PCSK4: variants seen among roughly 807,000 people sequenced by gnomAD.
PCSK4 encodes the protein testicular tissue protein Li 135.
A neutral mutation model predicts 80.3 loss-of-function variants in PCSK4; 64 were observed. The observed-to-expected ratio is 0.80, with a 90% CI of 0.65 to 0.98. The LOEUF (loss-of-function observed/expected upper bound fraction) is 0.98, where lower values mean the gene tolerates loss of function less well. PCSK4 is among the 50% of genes least tolerant of loss of function. The pLI is 0.00. For synonymous variants in PCSK4, 561 were observed against 487.6 expected (o/e 1.15, Z -1.98); for missense variants, 1,213 against 1,093.6 (o/e 1.11, Z -1.54).
intron 2 of PCSK4, among the ~76,000 whole-genome samples, chr19:1,489,095 G>A (rs531028091): frequency 4.0e-5 from 6 of 150,220 alleles, no homozygotes; most frequent in Non-Finnish European, 7.4e-5. Flanking sequence ...TGGACACTGC[G>A]TCCTGAGGGC....
exon 15 of PCSK4, chr19:1,481,447 A>C: frequency 2.7e-5 from 7 of 257,346 alleles, no homozygotes; most frequent in Non-Finnish European, 2.9e-5. Flanking sequence ...AGCAACCTTT[A>C]TTTGCAAACT....
chr19:1,482,100 C>G lies in PCSK4; in HGVS notation c.1927G>C (p.Ala643Pro), dbSNP rs774759108. Residue 643 changes from alanine (A) to proline (P), a missense_variant, in exon 15 of 15, where the codon GCG (alanine) becomes CCG (proline). Transcript: ENST00000300954. ...CTGGAGCAGACCCTCAGCGCGGGCG[C>G]CGCCGTGTGCCCAGGCCCAGCGGTC... 9 of 1,549,916 alleles carry G rather than the reference C, an allele frequency of 5.8e-6. No homozygotes were observed. In the Admixed American group the frequency reaches 1.5e-4, roughly 26 times the overall value.
At chr19:1,482,536 G>A (rs1355318720) in intron 13 of PCSK4, 61 bp from the exon 14 acceptor site, 2 of 1,556,166 alleles carry the variant, frequency 1.3e-6, no homozygotes, top group Non-Finnish European at 1.7e-6. Context: ...CCTGGTCCTG[G>A]TAGTCCCCGG....
chr19:1,486,741 A>G (rs1425542899), intron 8 of PCSK4, 112 bp downstream of exon 8: 14 of 949,088 alleles, frequency 1.5e-5, no homozygotes, highest in Non-Finnish European at 2.1e-5. Flanking sequence ...CTGGATTTGC[A>G]TTTTCAAAGC....
intron 8 of PCSK4, among the ~76,000 whole-genome samples, chr19:1,485,204 C>T (rs530991268): frequency 6.6e-6 from 1 of 151,594 alleles, no homozygotes; most frequent in East Asian, 1.9e-4. Context: ...CAAGAAGTAA[C>T]AAGGACTATG....
chr19:1,481,916 C>T lies in PCSK4; in HGVS notation c.2111G>A (p.Arg704His), dbSNP rs145279692. ...CAGCACCATGGCCGAGGCTGGGCAGCGGTGGTGGGGACAGGCGGCAGCTCT... is the reference window on the plus strand; with the variant it reads ...CAGCACCATGGCCGAGGCTGGGCAGTGGTGGTGGGGACAGGCGGCAGCTCT... Residue 704 changes from arginine to histidine, a missense_variant, in exon 15 of 15, where the codon CGC becomes CAC. Transcript: ENST00000300954. 3.3e-5 allele frequency: 52 copies of T among 1,594,190 alleles called. No individual in the cohort carries two copies. The African/African-American group carries it at 5.8e-4, about 18-fold the overall frequency.
chr19:1,483,967 G>T (rs1339159630), intron 9 of PCSK4, 26 bp from the exon 10 acceptor site: 2 of 1,375,612 alleles, frequency 1.5e-6, no homozygotes, highest in Admixed American at 5.3e-5. Flanking sequence ...GCGGGGGCGG[G>T]TGAGCCGCCG....
At chr19:1,489,369 T>C (rs1387248572) in intron 2 of PCSK4, among the ~76,000 whole-genome samples, 1 of 151,996 alleles carries the variant, frequency 6.6e-6, no homozygotes, top group Non-Finnish European at 1.5e-5. Context: ...TTCCTGACCT[T>C]GTGATCCGAC....
chr19:1,483,137 G>C (rs2084394359), intron 12 of PCSK4, 117 bp from the exon 13 acceptor site: 1 of 1,245,420 alleles, frequency 8.0e-7, no homozygotes, highest in South Asian at 1.5e-5. Context: ...CTCTGGGTGT[G>C]GGTGAGGGTG....
At chr19:1,487,932 C>T in intron 4 of PCSK4, 32 bp downstream of exon 4, 3 of 1,592,244 alleles carry the variant, frequency 1.9e-6, no homozygotes, top group Non-Finnish European at 2.6e-6. Flanking sequence ...GCACCTGGGG[C>T]AGCCCTCGCC....
At position 1,489,925 on chromosome 19, in the gene PCSK4, G is replaced by C. The variant is rs761727073; in HGVS notation, c.190-28C>G. 16 of 1,578,292 alleles carry C rather than the reference G, an allele frequency of 1.0e-5. No homozygotes were observed. The East Asian group carries it at 2.6e-4, about 25-fold the overall frequency. On this transcript the variant is annotated intron_variant, in intron 1 of 14. Coordinates refer to ENST00000300954, the Ensembl canonical transcript of PCSK4. ...GGGGATGTGGGGAAGCGGCCGCACC[G>C]ATGGGACCCGGCTCCCCTGCTGAAG...
intron 13 of PCSK4, 54 bp from the exon 14 acceptor site, chr19:1,482,529 G>A: frequency 6.4e-7 from 1 of 1,564,212 alleles, no homozygotes; most frequent in Non-Finnish European, 8.6e-7. Flanking sequence ...TCGGCAGCCT[G>A]GTCCTGGTAG....
intron 2 of PCSK4, 156 bp downstream of exon 2, chr19:1,489,637 C>A: frequency 7.5e-7 from 1 of 1,327,250 alleles, no homozygotes; most frequent in Non-Finnish European, 1.0e-6. Flanking sequence ...GGTCTTCCTG[C>A]CTCCTCTTGC....
In PCSK4 at chr19:1,482,112, C is replaced by G. The variant is rs749899152; in HGVS notation, c.1915G>C (p.Gly639Arg). The G allele has an allele frequency of 5.7e-5, 89 of 1,552,944 alleles. No homozygotes were observed. The highest frequency in any genetic ancestry group is 7.6e-5 in the Admixed American group (4 of 52,954). The stretch of plus-strand genomic sequence containing the variant: ...CTCAGCGCGGGCGCCGCCGTGTGCC[C>G]AGGCCCAGCGGTCACCAGCCTTGTG... Residue 639 changes from glycine (G) to arginine (R), a missense_variant, in exon 15 of 15, where the codon GGG becomes CGG. By Grantham distance (125) the Gly-to-Arg change is moderately radical. Transcript: ENST00000300954.
chr19:1,489,126 CCTA>C (rs1359582678), intron 2 of PCSK4, among the ~76,000 whole-genome samples: 5 of 146,798 alleles, frequency 3.4e-5, no homozygotes, highest in African/African-American at 1.0e-4. Flanking sequence ...CTGTAAGCCT[CCTA>C]CTTTTTTTTT....
intron 8 of PCSK4, among the ~76,000 whole-genome samples, chr19:1,485,187 C>CT (rs2084539452): frequency 6.6e-6 from 1 of 151,504 alleles, no homozygotes; most frequent in African/African-American, 2.4e-5. Context: ...ACTCCAAGGA[C>CT]TGAGTTCAAG....
At chr19:1,487,924 A>G in intron 4 of PCSK4, 40 bp downstream of exon 4, 1 of 1,589,380 alleles carries the variant, frequency 6.3e-7, no homozygotes, top group Non-Finnish European at 8.6e-7. Context: ...CAGCCTCGGC[A>G]CCTGGGGCAG....
At position 1,489,547 on chromosome 19, in the gene PCSK4, G is replaced by C. The variant is rs2084827919; in HGVS notation, c.294+246C>G. The stretch of plus-strand genomic sequence containing the variant: ...CTGTCCCTCCTTACCAGAGCCCCTG[G>C]GGCCCAGAGGAGGGAGGGGGAGGAC... On this transcript the variant is annotated intron_variant, in intron 2 of 14. Transcript: ENST00000300954. 2.2e-5 allele frequency: 13 copies of C among 581,064 alleles called. No homozygotes were observed. In the Admixed American group the frequency reaches 4.2e-4, roughly 19 times the overall value. 36.0% of individuals were successfully genotyped at this position (581,064 alleles called of 1,614,324 possible). A position where few individuals can be genotyped will look rare whatever the true frequency, so the allele number is the denominator to read the frequency against.
chr19:1,483,020 T>C, exon 13 of PCSK4: 3 of 1,426,620 alleles, frequency 2.1e-6, no homozygotes, highest in Non-Finnish European at 1.9e-6. Context: ...CGTCCAAGGG[T>C]CTGGGACAGA....
Sources: gnomAD v4.1 joint callset for allele counts (sites outside exome capture counted in the v4.1 genomes callset) on GRCh38, gnomAD v4.1.1 for gene constraint, MANE v1.5 for transcripts, NCBI Gene and HGNC (gene_info 2026-07-23, HGNC 2026-07-21) for gene names.